The following MARCHF7 variants were observed in gnomAD, a reference collection of about 807,000 sequenced individuals.
MARCHF7 encodes membrane associated ring-CH-type finger 7.
In MARCHF7, 20 loss-of-function variants were observed where a neutral mutation model predicts 76.5. That is an observed-to-expected ratio of 0.26 (90% CI 0.18 to 0.38). The LOEUF is 0.38. Ranked by LOEUF, MARCHF7 falls within the 10% of genes least tolerant of loss-of-function variation. The probability of loss-of-function intolerance (pLI) is 1.00; values close to 1 mark genes in which losing one functional copy is unlikely to be tolerated. For missense variants in MARCHF7, 797 were observed against 812.9 expected (o/e 0.98, Z 0.24); for synonymous variants, 295 against 293.0 (o/e 1.01, Z -0.07).
intron 3 of MARCHF7, among the ~76,000 whole-genome samples, chr2:159,716,835 G>A (rs893909938): frequency 3.3e-5 from 5 of 152,156 alleles, no homozygotes; most frequent in African/African-American, 1.2e-4. Context: ...TAAGATAATG[G>A]TATGGTAACA....
rs186593685 is a variant in MARCHF7, at chr2:159,729,057, T to C, written c.35T>C (p.Ile12Thr). The C allele has an allele frequency of 1.1e-4, 168 of 1,598,422 alleles. 2 individuals carry two copies. The East Asian group carries it at 3.7e-3, about 35-fold the overall frequency. Residue 12 changes from isoleucine to threonine, a missense_variant, in exon 4 of 12, where the codon ATT becomes ACT. Coordinates refer to ENST00000409175, the MANE Select transcript of MARCHF7 (RefSeq NM_001282805.2). ...AAACCTTCAAGGATTCCAAGAAGAA[T>C]TTCTGTTCAACCTTCCAGCTCCTTA... ...ESKPSRIPRR[I>T]SVQPSSSLSA...
chr2:159,747,820 T>C lies in MARCHF7; in HGVS notation c.530T>C (p.Val177Ala), dbSNP rs1705090996. 1.3e-6 allele frequency: 2 copies of C among 1,581,156 alleles called. No homozygotes were observed. The highest frequency in any genetic ancestry group is 4.5e-5 in the East Asian group (2 of 44,692). ...FTTSSYVQDR[V>A]PSYSQGARPK... ...TCAAAAATAGATGTTCAAGACAGAG[T>C]TCCTTCATATTCACAAGGAGCAAGA... Residue 177 changes from valine to alanine, a missense_variant, in exon 7 of 12, where the codon GTT (valine) becomes GCT (alanine). Val to Ala is a moderately conservative substitution (Grantham distance 64, BLOSUM62 0). This residue lies in a region of MARCHF7 where 643 missense variants were observed against 631.5 expected (regional missense o/e 1.02). Coordinates refer to ENST00000409175, the MANE Select transcript of MARCHF7 (RefSeq NM_001282805.2).
chr2:159,731,783 TAAAC>T (rs1162183616), intron 4 of MARCHF7, among the ~76,000 whole-genome samples: 1 of 149,712 alleles, frequency 6.7e-6, no homozygotes, highest in African/African-American at 2.5e-5. Context: ...CTTATTATGT[TAAAC>T]AAATAGCATT....
At chr2:159,738,094 T>A (rs1371613423) in intron 4 of MARCHF7, among the ~76,000 whole-genome samples, 1 of 151,966 alleles carries the variant, frequency 6.6e-6, no homozygotes, top group Non-Finnish European at 1.5e-5. Flanking sequence ...GAGCGCAGGG[T>A]CCGGCCACCG....
At chr2:159,745,685 A>G (rs1209370647) in intron 5 of MARCHF7, 85 bp from the exon 6 acceptor site, 9 of 862,614 alleles carry the variant, frequency 1.0e-5, no homozygotes, top group Non-Finnish European at 1.6e-5. Context: ...AAATAACACT[A>G]ACTTTCCTCT....
At chr2:159,713,393 T>C (rs1001120102) in intron 1 of MARCHF7, among the ~76,000 whole-genome samples, 13 of 152,168 alleles carry the variant, frequency 8.5e-5, no homozygotes, top group African/African-American at 2.7e-4. Flanking sequence ...AGTAAATATA[T>C]TGGGAAAGTC....
intron 8 of MARCHF7, among the ~76,000 whole-genome samples, chr2:159,752,875 C>T (rs1165245194): frequency 6.6e-6 from 1 of 152,208 alleles, no homozygotes; most frequent in Non-Finnish European, 1.5e-5. Context: ...GAAATAGACT[C>T]ACCATTTACC....
intron 4 of MARCHF7, chr2:159,733,106 A>G (rs1703020634): frequency 1.7e-6 from 1 of 580,188 alleles, no homozygotes; most frequent in Non-Finnish European, 2.2e-6. Flanking sequence ...TACCATTATT[A>G]TTTCCTGGCT....
intron 7 of MARCHF7, among the ~76,000 whole-genome samples, chr2:159,751,708 C>T (rs1342676828): frequency 6.6e-6 from 1 of 152,148 alleles, no homozygotes; most frequent in Non-Finnish European, 1.5e-5. Flanking sequence ...AACTACTTAC[C>T]TTATTATATA....
At chr2:159,728,271 T>G (rs1702397669) in intron 3 of MARCHF7, among the ~76,000 whole-genome samples, 2 of 152,342 alleles carry the variant, frequency 1.3e-5, no homozygotes, top group South Asian at 4.1e-4. Flanking sequence ...ACCTTGCATA[T>G]AATACTTAAT....
At chr2:159,749,746 C>T (rs139069389) in intron 7 of MARCHF7, among the ~76,000 whole-genome samples, 1 of 139,754 alleles carries the variant, frequency 7.2e-6, no homozygotes, top group Non-Finnish European at 1.6e-5. Flanking sequence ...GCGGGGGGGG[C>T]GGTTGTGAAT....
intron 4 of MARCHF7, among the ~76,000 whole-genome samples, chr2:159,738,062 G>A (rs1455575661): frequency 6.6e-6 from 1 of 152,188 alleles, no homozygotes; most frequent in African/African-American, 2.4e-5. Context: ...GACATGGATC[G>A]GCAGGGGGTG....
At chr2:159,752,202 TGAGA>T (rs745787135) in intron 7 of MARCHF7, among the ~76,000 whole-genome samples, 196 bp from the exon 8 acceptor site, 9 of 152,208 alleles carry the variant, frequency 5.9e-5, no homozygotes, top group Non-Finnish European at 1.2e-4. Context: ...TTATTCTCAA[TGAGA>T]GAGTTTTTCA....
chr2:159,724,813 T>A (rs1452716522), intron 3 of MARCHF7, among the ~76,000 whole-genome samples: 1 of 152,176 alleles, frequency 6.6e-6, no homozygotes, highest in Non-Finnish European at 1.5e-5. Flanking sequence ...GATATTTCTC[T>A]TAATGCCATC....
chr2:159,725,306 A>G (rs1211966777), intron 3 of MARCHF7, among the ~76,000 whole-genome samples: 1 of 152,194 alleles, frequency 6.6e-6, no homozygotes, highest in African/African-American at 2.4e-5. Flanking sequence ...CCAACAATGT[A>G]AAAGTGTTCC....
At chr2:159,726,199 T>C (rs1702139757) in intron 3 of MARCHF7, among the ~76,000 whole-genome samples, 2 of 152,090 alleles carry the variant, frequency 1.3e-5, no homozygotes, top group Non-Finnish European at 2.9e-5. Context: ...TCTGAAGCTC[T>C]ACTACTGCTC....
At chr2:159,726,339 T>C (rs1036374459) in intron 3 of MARCHF7, among the ~76,000 whole-genome samples, 1 of 152,128 alleles carries the variant, frequency 6.6e-6, no homozygotes, top group Non-Finnish European at 1.5e-5. Flanking sequence ...CTCTGCTCAC[T>C]GCAAGCTCCG....
At chr2:159,733,925 C>T (rs1168126598) in intron 4 of MARCHF7, 16 of 1,229,772 alleles carry the variant, frequency 1.3e-5, no homozygotes, top group Non-Finnish European at 1.6e-5. Context: ...TTCTAAGTTC[C>T]GAACAGTTGA....
At chr2:159,715,875 A>G (rs1700977641) in intron 3 of MARCHF7, 109 bp downstream of exon 3, 1 of 152,202 alleles carries the variant, frequency 6.6e-6, no homozygotes, top group African/African-American at 2.4e-5. Flanking sequence ...TCTTTCCATT[A>G]TGATCATTGT....
Sources: allele counts gnomAD v4.1 joint callset (sites outside exome capture counted in the v4.1 genomes callset), GRCh38; gene constraint gnomAD v4.1.1; regional missense constraint gnomAD v4.1.1; transcripts MANE v1.5; gene names NCBI Gene and HGNC (gene_info 2026-07-23, HGNC 2026-07-21).